The following TAX1BP1 variants were observed in gnomAD, a reference collection of about 807,000 sequenced individuals.
TAX1BP1 encodes Tax1 binding protein 1, also known as tax1-binding protein 1.
In TAX1BP1, 62 loss-of-function variants were observed where a neutral mutation model predicts 97.7. That is an observed-to-expected ratio of 0.63 (90% CI 0.52 to 0.78). The LOEUF (loss-of-function observed/expected upper bound fraction) is 0.78, where lower values mean the gene tolerates loss of function less well. TAX1BP1 is among the 30% of genes least tolerant of loss of function. The probability of loss-of-function intolerance (pLI) is 0.00; values close to 1 mark genes in which losing one functional copy is unlikely to be tolerated. For synonymous variants in TAX1BP1, 340 were observed against 304.2 expected (o/e 1.12, Z -1.23); for missense variants, 867 against 916.1 (o/e 0.95, Z 0.69).
rs1342347775 is a variant in TAX1BP1 at position 27,748,298 on chromosome 7, A to G, written c.-7-220A>G. On this transcript the variant is annotated intron_variant, in intron 1 of 16. Coordinates refer to ENST00000396319, the MANE Select transcript of TAX1BP1 (RefSeq NM_006024.7). ...GGTTTTTTAACTTTTAAATGCCCAT[A>G]TAACTTTCTGAGCCAAATGGGTTTT... Among the ~76,000 whole-genome samples, 4 of 152,208 alleles carry G rather than the reference A, an allele frequency of 2.6e-5. No individual in the cohort carries two copies. In the East Asian group the frequency reaches 5.8e-4, roughly 22 times the overall value.
chr7:27,783,587 T>G (rs1362868061), intron 5 of TAX1BP1, among the ~76,000 whole-genome samples: 1 of 152,216 alleles, frequency 6.6e-6, no homozygotes, highest in Non-Finnish European at 1.5e-5. Context: ...AGTTCATGAT[T>G]TACATTCAGT....
rs1274177384 is a variant in TAX1BP1 at position 27,816,471 on chromosome 7, A to T, written c.1887A>T (p.Ala629=). The part of the protein sequence containing the change: ...QNGYVLTLSN[A]QPVLQYGNPY... ...GTTATGTTCTCACATTGTCAAATGC[A>T]CAACCAGTTCTGCAATATGGTAATC... The change falls in exon 14 of 17, where the codon GCA becomes GCT. Residue 629 remains alanine (A), a synonymous_variant. Transcript: ENST00000396319. 3.2e-6 allele frequency: 5 copies of T among 1,563,508 alleles called. No individual in the cohort carries two copies. The highest frequency in any genetic ancestry group is 2.8e-5 in the African/African-American group (2 of 71,124).
At position 27,787,514 on chromosome 7, in the gene TAX1BP1, C is replaced by T. The variant is rs184528287; in HGVS notation, c.949C>T (p.His317Tyr). 3.3e-5 allele frequency: 54 copies of T among 1,613,698 alleles called. No homozygotes were observed. The highest frequency in any genetic ancestry group is 1.7e-4 in the Admixed American group (10 of 60,014). ...TGGGAACAAAGAAAGCGTGATTACT[C>T]ATTTCAAAGAAGAGATTGGCAGGCT... ...LDGNKESVIT[H>Y]FKEEIGRLQL... Residue 317 changes from histidine to tyrosine, a missense_variant, in exon 8 of 17, where the codon CAT (histidine) becomes TAT (tyrosine). This residue lies in a region of TAX1BP1 where 822 missense variants were observed against 851.4 expected (regional missense o/e 0.97). Transcript: ENST00000396319.
In TAX1BP1 at chr7:27,828,504, CTT is replaced by C. The variant is rs372860806; in HGVS notation, c.2169-121_2169-120del. On this transcript the variant is annotated intron_variant, in intron 16 of 16. Coordinates refer to ENST00000396319, the MANE Select transcript of TAX1BP1 (RefSeq NM_006024.7). ...CAGAGAAATGTTTCTGGAGTAAAGA[CTT>C]TTAAGGTAGGTTGTTTAGTATGAAT... is the stretch of plus-strand genomic sequence containing the variant. The C allele has an allele frequency of 5.5e-5, 47 of 855,098 alleles. 1 individual carries two copies. Among genetic ancestry groups the C allele is most frequent in the South Asian group, 4.9e-4 (27 of 55,074 alleles). The allele number at this position is 855,098 out of a possible 1,614,324, so 53.0% of individuals were successfully genotyped here.
At chr7:27,742,004 A>G (rs1435638251) in intron 1 of TAX1BP1, among the ~76,000 whole-genome samples, 3 of 152,250 alleles carry the variant, frequency 2.0e-5, no homozygotes, top group Non-Finnish European at 1.5e-5. Context: ...TGCTTTACAA[A>G]GCAGTATTGC....
intron 13 of TAX1BP1, chr7:27,803,098 T>C: frequency 3.2e-6 from 5 of 1,540,026 alleles, no homozygotes; most frequent in Non-Finnish European, 4.4e-6. Flanking sequence ...GAAATTTCTT[T>C]CTTTATTCAG....
chr7:27,828,165 A>G (rs896108674), intron 16 of TAX1BP1, among the ~76,000 whole-genome samples: 2 of 152,124 alleles, frequency 1.3e-5, no homozygotes, highest in African/African-American at 2.4e-5. Flanking sequence ...AAAATACAGT[A>G]TTTTTGGCCA....
chr7:27,779,892 AG>A (rs1477980693), intron 5 of TAX1BP1, among the ~76,000 whole-genome samples: 1 of 152,220 alleles, frequency 6.6e-6, no homozygotes, highest in South Asian at 2.1e-4. Flanking sequence ...GCTGGATGAA[AG>A]GGGAAAGAGA....
chr7:27,808,966 A>G (rs1217999777), intron 13 of TAX1BP1, among the ~76,000 whole-genome samples: 3 of 152,202 alleles, frequency 2.0e-5, no homozygotes, highest in Non-Finnish European at 4.4e-5. Flanking sequence ...GACAAAGTCT[A>G]TTTTCAGAAA....
intron 5 of TAX1BP1, among the ~76,000 whole-genome samples, chr7:27,776,066 G>A (rs1583694278): frequency 6.6e-6 from 1 of 151,894 alleles, no homozygotes; most frequent in African/African-American, 2.4e-5. Context: ...AATTTACCAT[G>A]GTACATAATT....
chr7:27,754,696 C>A (rs11763861), intron 2 of TAX1BP1, among the ~76,000 whole-genome samples: 15,186 of 152,100 alleles, frequency 0.1, 820 homozygotes, highest in South Asian at 0.12. Context: ...CCTCAGCCTC[C>A]TGAGTAGCTG....
chr7:27,781,553 C>T (rs1445152780), intron 5 of TAX1BP1, among the ~76,000 whole-genome samples: 2 of 151,966 alleles, frequency 1.3e-5, no homozygotes, highest in Admixed American at 1.3e-4. Context: ...ATTTGTTATA[C>T]CTGTATAGGG....
chr7:27,828,727 G>A lies in TAX1BP1; in HGVS notation c.2268G>A (p.Val756=), dbSNP rs111505296. 303 of 1,614,142 alleles carry A rather than the reference G, an allele frequency of 1.9e-4. No individual in the cohort carries two copies. The African/African-American group carries it at 3.5e-3, about 19-fold the overall frequency. The change falls in exon 17 of 17, where the codon GTG becomes GTA. Residue 756 remains valine (V), a synonymous_variant. Transcript: ENST00000396319. ...AACATGTTGAAAGTCACTGGAAGGT[G>A]TGCCCGATGTGCAGCGAGCAGTTCC... ...FEEHVESHWK[V]CPMCSEQFPP...
intron 8 of TAX1BP1, among the ~76,000 whole-genome samples, chr7:27,789,681 T>C (rs1456331161): frequency 6.6e-6 from 1 of 151,460 alleles, no homozygotes; most frequent in Non-Finnish European, 1.5e-5. Context: ...TTCCATTATA[T>C]AGATTTACCT....
intron 5 of TAX1BP1, 151 bp downstream of exon 5, chr7:27,769,985 C>G (rs1788785091): frequency 9.3e-6 from 6 of 642,530 alleles, no homozygotes; most frequent in Non-Finnish European, 1.1e-5. Flanking sequence ...AGGTCAGTTC[C>G]TATTAACCTT....
intron 8 of TAX1BP1, among the ~76,000 whole-genome samples, chr7:27,789,829 T>A (rs965521406): frequency 2.6e-4 from 40 of 152,000 alleles, no homozygotes; most frequent in South Asian, 2.1e-4. Flanking sequence ...TACTTTTTAA[T>A]GTAACAGATT....
At chr7:27,767,124 CTT>C (rs960616239) in intron 4 of TAX1BP1, among the ~76,000 whole-genome samples, 4 of 151,982 alleles carry the variant, frequency 2.6e-5, no homozygotes, top group Non-Finnish European at 5.9e-5. Flanking sequence ...TTTTCAATAT[CTT>C]TATCCTATAC....
intron 9 of TAX1BP1, 123 bp from the exon 10 acceptor site, chr7:27,792,943 C>T: frequency 2.4e-6 from 2 of 834,152 alleles, no homozygotes; most frequent in Non-Finnish European, 1.8e-6. Context: ...GCCTGGGTGA[C>T]AGAGCAAGAC....
chr7:27,812,976 A>C (rs1790615569), intron 13 of TAX1BP1, among the ~76,000 whole-genome samples: 1 of 152,202 alleles, frequency 6.6e-6, no homozygotes, highest in Admixed American at 6.5e-5. Flanking sequence ...TAGTTGCAAC[A>C]GAGACTGTGT....
Sources: allele counts gnomAD v4.1 joint callset (sites outside exome capture counted in the v4.1 genomes callset), GRCh38; gene constraint gnomAD v4.1.1; regional missense constraint gnomAD v4.1.1; transcripts MANE v1.5; gene names NCBI Gene and HGNC (gene_info 2026-07-23, HGNC 2026-07-21).